The following DOCK8 variants were observed in gnomAD, a reference collection of about 807,000 sequenced individuals.
DOCK8 encodes dedicator of cytokinesis protein 8.
DOCK8 carries 141 observed loss-of-function variants against 245.6 expected under a neutral mutation model. That is an observed-to-expected ratio of 0.57 (90% CI 0.50 to 0.66). The LOEUF (loss-of-function observed/expected upper bound fraction) is 0.66, where lower values mean the gene tolerates loss of function less well. DOCK8 is among the 30% of genes least tolerant of loss of function. DOCK8 has a pLI of 0.00. For missense variants in DOCK8, 2,965 were observed against 2,603.4 expected (o/e 1.14, Z -3.02); for synonymous variants, 1,168 against 970.2 (o/e 1.20, Z -3.79).
intron 2 of DOCK8, among the ~76,000 whole-genome samples, chr9:275,444 C>G (rs1033213274): frequency 1.2e-4 from 19 of 152,150 alleles, no homozygotes; most frequent in African/African-American, 4.6e-4. Context: ...TCAGCCCTGA[C>G]TGGACATTAA....
At chr9:344,711 G>A (rs117608810) in intron 14 of DOCK8, among the ~76,000 whole-genome samples, 1,832 of 152,180 alleles carry the variant, frequency 0.012, 19 homozygotes, top group Non-Finnish European at 0.017. Context: ...ATTTGCTATG[G>A]TATTGATAAC....
Position 217,899 on chromosome 9 carries a change from G to A in DOCK8, c.53+2870G>A, listed in dbSNP as rs547077293. On this transcript the variant is annotated intron_variant, in intron 1 of 47. Coordinates refer to ENST00000432829, the MANE Select transcript of DOCK8 (RefSeq NM_203447.4). ...AATGGCAGAGCTGGGATTGCAAACT[G>A]CTCCAAAGACTGTGCTCTTAATTGG... Among the ~76,000 whole-genome samples the A allele has an allele frequency of 2.5e-4, 38 of 152,264 alleles. No homozygotes were observed. The East Asian group carries it at 4.4e-3, about 18-fold the overall frequency.
At chr9:220,789 C>T (rs760627899) in intron 1 of DOCK8, 4 of 372,428 alleles carry the variant, frequency 1.1e-5, no homozygotes, top group Non-Finnish European at 1.0e-5. Context: ...GGGGCCATCT[C>T]GGCTCACTGC....
intron 1 of DOCK8, among the ~76,000 whole-genome samples, chr9:230,021 A>G (rs1218289300): frequency 6.6e-6 from 1 of 151,328 alleles, no homozygotes; most frequent in Non-Finnish European, 1.5e-5. Flanking sequence ...ATCATTTAGC[A>G]TTAGGTATAT....
intron 29 of DOCK8, among the ~76,000 whole-genome samples, chr9:415,795 G>A (rs1183824235): frequency 6.6e-6 from 1 of 152,184 alleles, no homozygotes; most frequent in Non-Finnish European, 1.5e-5. Flanking sequence ...CTTGGCAGCT[G>A]AAGGGTGCTG....
chr9:428,527 T>TA lies in DOCK8; in HGVS notation c.4473+33dup. On this transcript the variant is annotated intron_variant, in intron 35 of 47. Coordinates refer to ENST00000432829, the MANE Select transcript of DOCK8 (RefSeq NM_203447.4). ...CTTGGGATGCTTGTTTTCTTCCTCT[T>TA]AATTAAGAGTAAGATTCTCATCTAG... is the stretch of plus-strand genomic sequence containing the variant. 1.9e-6 allele frequency: 3 copies of TA among 1,612,748 alleles called. No homozygotes were observed. In the South Asian group the frequency reaches 3.3e-5, roughly 18 times the overall value.
chr9:234,963 G>T (rs1587633256), intron 1 of DOCK8, among the ~76,000 whole-genome samples: 1 of 152,188 alleles, frequency 6.6e-6, no homozygotes, highest in Non-Finnish European at 1.5e-5. Context: ...TTTGCAGGAG[G>T]AGAGGCACTC....
intron 42 of DOCK8, 79 bp downstream of exon 42, chr9:442,088 CAAAT>C (rs1237089996): frequency 1.2e-5 from 19 of 1,577,496 alleles, no homozygotes; most frequent in African/African-American, 2.7e-5. Flanking sequence ...CAAAAATAAA[CAAAT>C]AAAGAGTTAT....
chr9:430,650 C>G (rs1302772264), intron 36 of DOCK8, among the ~76,000 whole-genome samples: 3 of 148,222 alleles, frequency 2.0e-5, no homozygotes, highest in Admixed American at 6.9e-5. Context: ...CCACTGTATT[C>G]CAGCCTGAGA....
chr9:271,596 T>C (rs1324084552), intron 1 of DOCK8, 31 bp from the exon 2 acceptor site: 1 of 1,429,976 alleles, frequency 7.0e-7, no homozygotes, highest in East Asian at 2.5e-5. Flanking sequence ...AAAATAATCA[T>C]TTCATTTAGA....
chr9:214,986 C>A lies in DOCK8; in HGVS notation c.10C>A (p.Leu4Met). The A allele has an allele frequency of 6.3e-7, 1 of 1,599,704 alleles. No homozygotes were observed. Reference protein sequence around the residue: MATLPSAERRAFAL... With the variant: MATMPSAERRAFAL... The stretch of plus-strand genomic sequence containing the variant: ...GAACCGCCGGCGGGCCATGGCCACT[C>A]TGCCGAGCGCAGAGCGCCGCGCGTT... The change falls in exon 1 of 48, where the codon CTG (leucine) becomes ATG (methionine). Residue 4 changes from leucine to methionine, a missense_variant. This residue lies in a region of DOCK8 where 2,825 missense variants were observed against 2,453.5 expected (regional missense o/e 1.15). Coordinates refer to ENST00000432829, the MANE Select transcript of DOCK8 (RefSeq NM_203447.4).
chr9:287,378 G>C (rs1321495781), intron 3 of DOCK8, among the ~76,000 whole-genome samples: 1 of 152,122 alleles, frequency 6.6e-6, no homozygotes, highest in Non-Finnish European at 1.5e-5. Context: ...TGTCTCTTTG[G>C]AGGTTTAGGA....
chr9:305,428 T>C (rs1969949), intron 5 of DOCK8, among the ~76,000 whole-genome samples: 2 of 151,130 alleles, frequency 1.3e-5, no homozygotes, highest in African/African-American at 4.9e-5. Context: ...GACTACAGGC[T>C]CCCGCCACCA....
At chr9:425,532 C>T (rs2056460898) in intron 33 of DOCK8, among the ~76,000 whole-genome samples, 1 of 142,852 alleles carries the variant, frequency 7.0e-6, no homozygotes, top group Non-Finnish European at 1.5e-5. Flanking sequence ...GAGGGAGACT[C>T]CGTCTCAAAA....
intron 46 of DOCK8, chr9:454,156 C>T (rs2057554756): frequency 6.6e-6 from 1 of 152,190 alleles, no homozygotes; most frequent in Admixed American, 6.5e-5. Context: ...CTTGTCTTGA[C>T]TATATACGTG....
chr9:265,490 C>A (rs1398211510), intron 1 of DOCK8, among the ~76,000 whole-genome samples: 4 of 152,120 alleles, frequency 2.6e-5, no homozygotes, highest in African/African-American at 4.8e-5. Flanking sequence ...TACAGTCGTT[C>A]GTTACCAAGA....
In DOCK8 at chr9:312,127, G is replaced by A. The variant is rs1241551811; in HGVS notation, c.702G>A (p.Arg234=). The A allele has an allele frequency of 1.6e-5, 26 of 1,614,218 alleles. No homozygotes were observed. The highest frequency in any genetic ancestry group is 2.2e-5 in the Non-Finnish European group (26 of 1,180,030). The change falls in exon 6 of 48, where the codon AGG becomes AGA. Residue 234 remains arginine, a synonymous_variant. Transcript: ENST00000432829. ...ACGAGGAGGCCCGGAGGACCAATAG[G>A]CAGGCCGAGCTCTTTGCCCTTTACC... ...KQNEEARRTN[R]QAELFALYPS... is the part of the protein sequence containing the mutation.
Position 382,638 on chromosome 9 carries a change from A to G in DOCK8, c.2731A>G (p.Thr911Ala), listed in dbSNP as rs754915792. The G allele has an allele frequency of 9.3e-6, 15 of 1,613,988 alleles. No individual in the cohort carries two copies. The African/African-American group carries it at 2.0e-4, about 22-fold the overall frequency. Residue 911 changes from threonine (T) to alanine (A), a missense_variant, in exon 22 of 48, where the codon ACA becomes GCA. Around this residue, in one of 3 missense-constraint regions of DOCK8, gnomAD observed 2,825 missense variants for 2,453.5 expected, o/e 1.15. Transcript: ENST00000432829. ...MSSSNPDLAG[T>A]HSAADEEVKN... ...CAGCAGTAACCCAGACCTCGCGGGG[A>G]CACACTCCGCAGCAGACGAGGAAGT...
intron 34 of DOCK8, among the ~76,000 whole-genome samples, chr9:427,767 GTA>G (rs1176997126): frequency 6.6e-6 from 1 of 152,126 alleles, no homozygotes; most frequent in African/African-American, 2.4e-5. Flanking sequence ...AACACAAAAA[GTA>G]TGTGATATTT....
Sources: allele counts gnomAD v4.1 joint callset (sites outside exome capture counted in the v4.1 genomes callset), GRCh38; gene constraint gnomAD v4.1.1; regional missense constraint gnomAD v4.1.1; transcripts MANE v1.5; gene names NCBI Gene and HGNC (gene_info 2026-07-23, HGNC 2026-07-21).